Variants in CATSPERB observed in about 807,000 individuals in gnomAD.
CATSPERB encodes catsper channel auxiliary subunit beta.
Under a neutral mutation model 128.3 loss-of-function variants are expected in CATSPERB, and 93 were observed. The ratio of observed to expected loss-of-function variants is 0.72; its 90% CI spans 0.61 to 0.86. The LOEUF is 0.86. Among genes scored for constraint, CATSPERB ranks in the 40% least tolerant of loss-of-function variants. CATSPERB has a pLI of 0.00. For synonymous variants in CATSPERB, 381 were observed against 448.8 expected (o/e 0.85, Z 1.91); for missense variants, 1,153 against 1,329.5 (o/e 0.87, Z 2.06).
In CATSPERB at chr14:91,610,508, T is replaced by C; in HGVS notation, c.2570A>G (p.Gln857Arg). ...CAAAGTTTTGATGAGGTTAAAACCC[T>C]GACTGTCTTTATGAACTCCACTAAT... Reference protein sequence around the residue: ...DWISGVHKDSQGFNLIKTLPI... With the variant: ...DWISGVHKDSRGFNLIKTLPI... The change falls in exon 21 of 27, where the codon CAG (glutamine) becomes CGG (arginine). Residue 857 changes from glutamine to arginine, a missense_variant. Transcript: ENST00000256343. 6.2e-7 allele frequency: 1 copy of C among 1,613,946 alleles called. No individual in the cohort carries two copies. Among genetic ancestry groups the C allele is most frequent in the Non-Finnish European group, 8.5e-7 (1 of 1,180,026 alleles).
chr14:91,704,634 A>G lies in CATSPERB; in HGVS notation c.534T>C (p.His178=), dbSNP rs774486585. The G allele has an allele frequency of 4.3e-6, 7 of 1,613,850 alleles. No individual in the cohort carries two copies. Among genetic ancestry groups the G allele is most frequent in the Non-Finnish European group, 5.9e-6 (7 of 1,179,782 alleles). ...ATTTTGTCACTTTGAGATCTACCAC[A>G]TGTGGATATAATTTACTGATTTCAC... ...PESEISKLYP[H]VVDLKVTKCP... Residue 178 remains histidine, a synonymous_variant, in exon 7 of 27, where the codon CAT becomes CAC. Transcript: ENST00000256343.
At chr14:91,664,496 C>G (rs1894945541) in intron 14 of CATSPERB, among the ~76,000 whole-genome samples, 1 of 152,010 alleles carries the variant, frequency 6.6e-6, no homozygotes, top group South Asian at 2.1e-4. Flanking sequence ...GAACTCCTGA[C>G]CTCAGGTGAT....
At chr14:91,630,343 A>C (rs1250467840) in intron 17 of CATSPERB, among the ~76,000 whole-genome samples, 1 of 152,142 alleles carries the variant, frequency 6.6e-6, no homozygotes, top group East Asian at 1.9e-4. Context: ...CTGCAGGTAG[A>C]ATCACCCATC....
intron 7 of CATSPERB, among the ~76,000 whole-genome samples, chr14:91,703,530 G>A (rs1179851181): frequency 2.6e-5 from 4 of 152,170 alleles, no homozygotes; most frequent in East Asian, 3.8e-4. Context: ...AGCAAGCCAC[G>A]ATTAGAAGCT....
At chr14:91,625,058 T>G in intron 17 of CATSPERB, 51 bp from the exon 18 acceptor site, 1 of 1,095,158 alleles carries the variant, frequency 9.1e-7, no homozygotes, top group Non-Finnish European at 1.3e-6. Context: ...GTGGATTAAA[T>G]GAACCAATTT....
rs750807428 is a variant in CATSPERB, at chr14:91,621,873, G to A, written c.1995C>T (p.Ser665=). The change falls in exon 19 of 27, where the codon AGC becomes AGT. Residue 665 remains serine (S), a synonymous_variant. Coordinates refer to ENST00000256343, the MANE Select transcript of CATSPERB (RefSeq NM_024764.4). The stretch of plus-strand genomic sequence containing the variant: ...TATCTAAAATGCTTGTGATGAGGAA[G>A]CTGCTGTACCCGGGAAGCACTACAG... ...EKTVVLPGYS[S]FLITSILDNK... 8.1e-6 allele frequency: 13 copies of A among 1,613,900 alleles called. No individual in the cohort carries two copies. Among genetic ancestry groups the A allele is most frequent in the East Asian group, 2.2e-5 (1 of 44,876 alleles).
chr14:91,681,171 TC>T (rs2139837928), intron 11 of CATSPERB, among the ~76,000 whole-genome samples: 1 of 152,338 alleles, frequency 6.6e-6, no homozygotes, highest in African/African-American at 2.4e-5. Flanking sequence ...AGCCAACGTT[TC>T]ATCATGTCCC....
chr14:91,716,610 C>CA (rs1014104889), intron 5 of CATSPERB, among the ~76,000 whole-genome samples: 1 of 151,748 alleles, frequency 6.6e-6, no homozygotes, highest in Non-Finnish European at 1.5e-5. Flanking sequence ...AACAAACAAA[C>CA]AAAAAACCAC....
intron 18 of CATSPERB, among the ~76,000 whole-genome samples, chr14:91,622,702 C>A (rs1894073595): frequency 6.6e-6 from 1 of 152,082 alleles, no homozygotes; most frequent in African/African-American, 2.4e-5. Flanking sequence ...TTCAAACCGA[C>A]CAACGAAAAT....
At chr14:91,675,351 C>G (rs1476658368) in intron 11 of CATSPERB, among the ~76,000 whole-genome samples, 1 of 152,222 alleles carries the variant, frequency 6.6e-6, no homozygotes, top group African/African-American at 2.4e-5. Flanking sequence ...ATGGCGTTAG[C>G]TGCCTACTAC....
intron 22 of CATSPERB, among the ~76,000 whole-genome samples, chr14:91,595,104 T>C (rs1449644434): frequency 6.6e-6 from 1 of 152,120 alleles, no homozygotes; most frequent in Non-Finnish European, 1.5e-5. Flanking sequence ...TCTACTGTAG[T>C]TCTGAAACAT....
intron 5 of CATSPERB, among the ~76,000 whole-genome samples, chr14:91,713,541 C>G (rs1030518813): frequency 2.0e-5 from 3 of 152,174 alleles, no homozygotes; most frequent in African/African-American, 7.2e-5. Context: ...ATATCACAAA[C>G]AACTCCGTGT....
intron 10 of CATSPERB, among the ~76,000 whole-genome samples, chr14:91,689,884 C>G (rs904455972): frequency 1.3e-5 from 2 of 152,180 alleles, no homozygotes; most frequent in Non-Finnish European, 2.9e-5. Flanking sequence ...ATCTTAAATA[C>G]TTTATTATCC....
chr14:91,595,231 C>T lies in CATSPERB; in HGVS notation c.2710-3229G>A, dbSNP rs181651977. ...AGTGTAGAAGAAAAATTATTTTTTA[C>T]ATAGGCTTTTAAATTGACTTTGATA... On this transcript the variant is annotated intron_variant, in intron 22 of 26. Coordinates refer to ENST00000256343, the MANE Select transcript of CATSPERB (RefSeq NM_024764.4). Among the ~76,000 whole-genome samples the T allele has an allele frequency of 2.1e-3, 319 of 151,988 alleles. 1 individual carries two copies. Among genetic ancestry groups the T allele is most frequent in the African/African-American group, 7.2e-3 (297 of 41,516 alleles).
chr14:91,710,045 AATAGTATTAGCTGGT>A (rs1279095975), intron 5 of CATSPERB: 1 of 154,746 alleles, frequency 6.5e-6, no homozygotes, highest in Non-Finnish European at 1.5e-5. Context: ...AGGCTGTGTG[AATAGTATTAGCTGGT>A]AGCTCCAGAG....
chr14:91,633,458 A>G (rs565538979), intron 17 of CATSPERB, among the ~76,000 whole-genome samples: 36 of 152,292 alleles, frequency 2.4e-4, no homozygotes, highest in African/African-American at 7.7e-4. Context: ...AGGCTAGTAC[A>G]ATCTTGTTAA....
intron 15 of CATSPERB, among the ~76,000 whole-genome samples, chr14:91,651,066 C>G (rs1327111291): frequency 6.6e-6 from 1 of 152,170 alleles, no homozygotes; most frequent in African/African-American, 2.4e-5. Context: ...CAGATCCACT[C>G]TCAGACTTTC....
chr14:91,667,058 G>T (rs28863824), intron 14 of CATSPERB, among the ~76,000 whole-genome samples: 1 of 152,166 alleles, frequency 6.6e-6, no homozygotes, highest in Admixed American at 6.5e-5. Flanking sequence ...AGGGGCCAGC[G>T]CCCAGTTAGC....
rs140090916 is a variant in CATSPERB, at chr14:91,584,523, G to C, written c.3132+2679C>G. Among the ~76,000 whole-genome samples the C allele has an allele frequency of 6.9e-3, 1,049 of 152,200 alleles. 10 individuals carry two copies. Among genetic ancestry groups the C allele is most frequent in the African/African-American group, 0.024 (1,006 of 41,518 alleles). ...TCTTCCTCCATTCCTGAAGCTTCAA[G>C]GTTCCTGCTGTTATCACTTTTCTTC... is the stretch of plus-strand genomic sequence containing the variant. On this transcript the variant is annotated intron_variant, in intron 26 of 26. Coordinates refer to ENST00000256343, the MANE Select transcript of CATSPERB (RefSeq NM_024764.4).
Sources: gnomAD v4.1 joint callset for allele counts (sites outside exome capture counted in the v4.1 genomes callset) on GRCh38, gnomAD v4.1.1 for gene constraint, MANE v1.5 for transcripts, NCBI Gene and HGNC (gene_info 2026-07-23, HGNC 2026-07-21) for gene names.